The following CHST11 variants were observed in gnomAD, a reference collection of about 807,000 sequenced individuals.
CHST11 encodes carbohydrate sulfotransferase 11.
In CHST11, 9 loss-of-function variants were observed where a neutral mutation model predicts 30.4. The observed-to-expected ratio is 0.30, with a 90% confidence interval of 0.18 to 0.52. CHST11 has a LOEUF of 0.52. CHST11 is among the 20% of genes least tolerant of loss of function. The probability of loss-of-function intolerance (pLI) is 0.97; values close to 1 mark genes in which losing one functional copy is unlikely to be tolerated. For synonymous variants in CHST11, 152 were observed against 187.8 expected (o/e 0.81, Z 1.56); for missense variants, 348 against 460.6 (o/e 0.76, Z 2.24).
intron 1 of CHST11, among the ~76,000 whole-genome samples, chr12:104,533,072 T>G (rs1163502204): frequency 6.6e-6 from 1 of 152,128 alleles, no homozygotes; most frequent in African/African-American, 2.4e-5. Context: ...CACCATGTCT[T>G]GCTTCCAAAT....
intron 1 of CHST11, among the ~76,000 whole-genome samples, chr12:104,496,806 A>T (rs959902055): frequency 6.6e-6 from 1 of 152,164 alleles, no homozygotes; most frequent in South Asian, 2.1e-4. Flanking sequence ...AGTTTGTAGG[A>T]TGTTTTATGT....
chr12:104,757,468 G>A lies in CHST11; in HGVS notation c.724G>A (p.Ala242Thr). The change falls in exon 3 of 3, where the codon GCC becomes ACC. Residue 242 changes from alanine to threonine, a missense_variant. Around this residue, in one of 3 missense-constraint regions of CHST11, gnomAD observed 210 missense variants for 287.2 expected, o/e 0.73. Transcript: ENST00000303694. This position sits in a 1 kb window ranked among gnomAD's most constrained non-coding sequence, Gnocchi z 6.5. The part of the protein sequence containing the change: ...GDDVKFEEFV[A>T]YLIDPHTQRE... ...CGATGTCAAATTCGAGGAGTTTGTG[G>A]CCTATCTCATCGACCCACACACCCA... 6.2e-7 allele frequency: 1 copy of A among 1,614,040 alleles called. No individual in the cohort carries two copies. Among genetic ancestry groups the A allele is most frequent in the Non-Finnish European group, 8.5e-7 (1 of 1,180,026 alleles).
intron 2 of CHST11, among the ~76,000 whole-genome samples, chr12:104,609,472 T>G (rs1241062443): frequency 6.6e-6 from 1 of 152,202 alleles, no homozygotes; most frequent in Non-Finnish European, 1.5e-5. Flanking sequence ...GTGGATTCAT[T>G]ATTCTTGAAC....
At chr12:104,579,755 G>C (rs1416245890) in intron 1 of CHST11, among the ~76,000 whole-genome samples, 1 of 152,178 alleles carries the variant, frequency 6.6e-6, no homozygotes, top group East Asian at 1.9e-4. Flanking sequence ...TAATTGTGTA[G>C]ACCCACTACA....
intron 1 of CHST11, among the ~76,000 whole-genome samples, chr12:104,520,410 G>A (rs532735099): frequency 6.6e-6 from 1 of 152,274 alleles, no homozygotes; most frequent in East Asian, 1.9e-4. Flanking sequence ...GCAGTTGTTA[G>A]TGTAAGAAGG....
chr12:104,712,832 T>C (rs2040098319), intron 2 of CHST11, among the ~76,000 whole-genome samples: 1 of 152,158 alleles, frequency 6.6e-6, no homozygotes, highest in African/African-American at 2.4e-5. Flanking sequence ...TATGGGGTGA[T>C]GCCAGTTTGG....
At chr12:104,575,234 A>C (rs1211285019) in intron 1 of CHST11, among the ~76,000 whole-genome samples, 1 of 151,950 alleles carries the variant, frequency 6.6e-6, no homozygotes, top group Non-Finnish European at 1.5e-5. Flanking sequence ...CCACAGGCAT[A>C]AACTGGGATG....
chr12:104,565,896 C>T (rs1378684018), intron 1 of CHST11, among the ~76,000 whole-genome samples: 3 of 152,204 alleles, frequency 2.0e-5, no homozygotes, highest in Non-Finnish European at 4.4e-5. Flanking sequence ...AGGGAAATGG[C>T]TATGGTTGCT....
chr12:104,469,511 A>G (rs1240698262), intron 1 of CHST11, among the ~76,000 whole-genome samples: 2 of 152,218 alleles, frequency 1.3e-5, no homozygotes, highest in Non-Finnish European at 2.9e-5. Flanking sequence ...CAGTGGTAGC[A>G]TGGCAGCCTG....
chr12:104,525,727 C>CA (rs1384007089), intron 1 of CHST11, among the ~76,000 whole-genome samples: 11 of 151,964 alleles, frequency 7.2e-5, no homozygotes, highest in Non-Finnish European at 1.3e-4. Context: ...AGATAGTTAA[C>CA]AAAAAAAGGA....
chr12:104,512,956 G>GCAAAA (rs1286348216), intron 1 of CHST11, among the ~76,000 whole-genome samples: 1 of 152,076 alleles, frequency 6.6e-6, no homozygotes, highest in East Asian at 1.9e-4. Flanking sequence ...AAATTCCCCA[G>GCAAAA]CAAAAGCATT....
In CHST11 at chr12:104,676,118, G is replaced by C. The variant is rs2039740456; in HGVS notation, c.204+74127G>C. Among the ~76,000 whole-genome samples, 1 of 152,184 alleles carries C rather than the reference G, an allele frequency of 6.6e-6. No individual in the cohort carries two copies. Among genetic ancestry groups the C allele is most frequent in the South Asian group, 2.1e-4 (1 of 4,824 alleles). On this transcript the variant is annotated intron_variant, in intron 2 of 2. Transcript: ENST00000303694. This position sits in a 1 kb window ranked among gnomAD's most constrained non-coding sequence, Gnocchi z 4.4. ...AGTCATGTATCTCATTTGAGCAAGA[G>C]ATCAGCCTGCAGTTAGGGCACCGTA... is the stretch of plus-strand genomic sequence containing the variant.
At chr12:104,521,341 C>T (rs746934394) in intron 1 of CHST11, among the ~76,000 whole-genome samples, 1 of 152,234 alleles carries the variant, frequency 6.6e-6, no homozygotes, top group Non-Finnish European at 1.5e-5. Context: ...TGGTTTTTCT[C>T]CCTTCTTTGT....
intron 2 of CHST11, among the ~76,000 whole-genome samples, chr12:104,688,701 G>A (rs922395729): frequency 1.3e-5 from 2 of 152,136 alleles, no homozygotes; most frequent in Non-Finnish European, 2.9e-5. Context: ...ACAAAAAATT[G>A]GAACTAGACA....
chr12:104,552,864 C>A (rs561939834), intron 1 of CHST11: 1 of 152,330 alleles, frequency 6.6e-6, no homozygotes, highest in African/African-American at 2.4e-5. Context: ...CCACCCTTGG[C>A]CGAGCCTAGC....
intron 2 of CHST11, among the ~76,000 whole-genome samples, chr12:104,657,004 T>C (rs932844618): frequency 9.9e-6 from 1 of 100,866 alleles, no homozygotes; most frequent in African/African-American, 4.9e-5. Context: ...TGATCAAACT[T>C]CATCCTTTTT....
intron 1 of CHST11, 94 bp from the exon 2 acceptor site, chr12:104,601,812 G>T: frequency 1.0e-6 from 1 of 955,968 alleles, no homozygotes. Flanking sequence ...TTTCTTTCCT[G>T]CCTGTTTCTT....
intron 2 of CHST11, among the ~76,000 whole-genome samples, chr12:104,638,739 T>C (rs1238065516): frequency 6.6e-6 from 1 of 152,236 alleles, no homozygotes; most frequent in African/African-American, 2.4e-5. Flanking sequence ...CCGATGAATA[T>C]GTGCAGCTTA....
At chr12:104,694,960 C>A (rs903483327) in intron 2 of CHST11, among the ~76,000 whole-genome samples, 16 of 152,148 alleles carry the variant, frequency 1.1e-4, no homozygotes, top group Admixed American at 3.3e-4. Context: ...GGGTTCCCAC[C>A]GGACCCTTTG....
Sources: gnomAD v4.1 joint callset for allele counts (sites outside exome capture counted in the v4.1 genomes callset) on GRCh38, gnomAD v4.1.1 for gene constraint, gnomAD v4.1.1 regional missense constraint, Gnocchi (gnomAD v3.1) non-coding constraint, MANE v1.5 for transcripts, NCBI Gene and HGNC (gene_info 2026-07-23, HGNC 2026-07-21) for gene names.